NPAS3: variants seen among roughly 807,000 people sequenced by gnomAD.
NPAS3 encodes neuronal PAS domain-containing protein 3.
Under a neutral mutation model 73.1 loss-of-function variants are expected in NPAS3, and 14 were observed. The ratio of observed to expected loss-of-function variants is 0.19; its 90% CI spans 0.13 to 0.30. The LOEUF (loss-of-function observed/expected upper bound fraction) is 0.30. Among genes scored for constraint, NPAS3 ranks in the 10% least tolerant of loss-of-function variants. NPAS3 has a pLI of 1.00. For missense variants in NPAS3, 1,096 were observed against 1,250.0 expected (o/e 0.88, Z 1.86); for synonymous variants, 620 against 541.5 (o/e 1.14, Z -2.01).
intron 1 of NPAS3, among the ~76,000 whole-genome samples, chr14:33,020,553 A>AT (rs1444531679): frequency 5.9e-5 from 9 of 152,120 alleles, no homozygotes; most frequent in African/African-American, 2.2e-4. Context: ...TGTCATGCCC[A>AT]TTTTTTGGAT....
chr14:33,199,817 C>T (rs1230627109), intron 2 of NPAS3, among the ~76,000 whole-genome samples: 1 of 150,966 alleles, frequency 6.6e-6, no homozygotes, highest in African/African-American at 2.4e-5. Context: ...AGCACTACTA[C>T]TGGCTGTGTT....
exon 8 of NPAS3, chr14:33,774,415 C>G: frequency 6.2e-7 from 1 of 1,614,172 alleles, no homozygotes; most frequent in Non-Finnish European, 8.5e-7. Flanking sequence ...AATCATGGGT[C>G]TCGTGGTTGT....
intron 6 of NPAS3, among the ~76,000 whole-genome samples, chr14:33,706,061 C>T (rs1016907113): frequency 1.3e-5 from 2 of 152,226 alleles, no homozygotes; most frequent in Non-Finnish European, 2.9e-5. Flanking sequence ...CCACACAACC[C>T]TTTTCATTCA....
rs577535914 is a variant in NPAS3, at chr14:33,479,248, A to G, written c.469-80873A>G. On this transcript the variant is annotated intron_variant, in intron 4 of 11. Transcript: ENST00000356141. ...GCTTTTCCTTTTTAATGTTAAATGC[A>G]TGCATGTTGCCTGCACTTACAGCTC... Among the ~76,000 whole-genome samples the G allele has an allele frequency of 6.6e-5, 10 of 152,274 alleles. No individual in the cohort carries two copies. The South Asian group carries it at 1.5e-3, about 22-fold the overall frequency.
intron 5 of NPAS3, among the ~76,000 whole-genome samples, chr14:33,587,902 T>A (rs1377185804): frequency 6.6e-6 from 1 of 152,196 alleles, no homozygotes; most frequent in African/African-American, 2.4e-5. Flanking sequence ...ATGAATCCAA[T>A]ATGTAGAAGA....
chr14:33,211,907 T>C (rs532390877), intron 2 of NPAS3, among the ~76,000 whole-genome samples: 5 of 152,098 alleles, frequency 3.3e-5, no homozygotes, highest in African/African-American at 1.2e-4. Flanking sequence ...GCCCAGGGAG[T>C]AAATATTTGG....
chr14:33,062,734 A>G (rs1038149264), intron 2 of NPAS3, among the ~76,000 whole-genome samples: 2 of 152,246 alleles, frequency 1.3e-5, no homozygotes, highest in African/African-American at 2.4e-5. Context: ...CACGCTGTTG[A>G]ACAGCGGCGT....
At chr14:33,101,109 C>T (rs1404740478) in intron 2 of NPAS3, among the ~76,000 whole-genome samples, 1 of 151,840 alleles carries the variant, frequency 6.6e-6, no homozygotes, top group Non-Finnish European at 1.5e-5. Context: ...GATGGATTTC[C>T]CCAGACATAC....
intron 6 of NPAS3, among the ~76,000 whole-genome samples, chr14:33,679,772 T>C (rs764918201): frequency 1.3e-5 from 2 of 152,240 alleles, no homozygotes; most frequent in Non-Finnish European, 2.9e-5. Flanking sequence ...ACAATAGGAA[T>C]TCTGTCTCTT....
At chr14:33,523,451 CAAAAAAAAAAAA>C (rs755370427) in intron 4 of NPAS3, among the ~76,000 whole-genome samples, 1 of 46,722 alleles carries the variant, frequency 2.1e-5, no homozygotes, top group Non-Finnish European at 4.4e-5. Context: ...GACTCTGTCT[CAAAAAAAAAAAA>C]AAAAAAAAAA....
intron 3 of NPAS3, among the ~76,000 whole-genome samples, chr14:33,220,286 T>C (rs1449682578): frequency 1.3e-5 from 2 of 152,100 alleles, no homozygotes; most frequent in Non-Finnish European, 2.9e-5. Context: ...CAATCCATAG[T>C]AGGTGGTGGG....
At chr14:33,051,016 T>C (rs2040682874) in intron 1 of NPAS3, among the ~76,000 whole-genome samples, 1 of 152,088 alleles carries the variant, frequency 6.6e-6, no homozygotes, top group South Asian at 2.1e-4. Flanking sequence ...GGCTCACGCC[T>C]GTAATCCCAG....
At chr14:33,736,520 A>G (rs958521690) in intron 7 of NPAS3, among the ~76,000 whole-genome samples, 6 of 152,196 alleles carry the variant, frequency 3.9e-5, no homozygotes, top group Admixed American at 3.9e-4. Context: ...GAGTGTGTTC[A>G]GGGAAAGAAA....
chr14:33,151,580 TTTATG>T (rs2044445998), intron 2 of NPAS3, among the ~76,000 whole-genome samples: 1 of 152,214 alleles, frequency 6.6e-6, no homozygotes, highest in South Asian at 2.1e-4. Flanking sequence ...ATGTGATGAA[TTTATG>T]TTATATTTAT....
At chr14:33,095,830 G>A (rs1434620809) in intron 2 of NPAS3, among the ~76,000 whole-genome samples, 3 of 151,372 alleles carry the variant, frequency 2.0e-5, no homozygotes, top group Non-Finnish European at 4.4e-5. Context: ...CACCATGCCC[G>A]GCTAATTTTT....
In NPAS3 at chr14:33,099,652, T is replaced by C. The variant is rs553431124; in HGVS notation, c.140+43658T>C. Among the ~76,000 whole-genome samples, 158 of 152,276 alleles carry C rather than the reference T, an allele frequency of 1.0e-3. 2 individuals are homozygous for C. Among genetic ancestry groups the C allele is most frequent in the African/African-American group, 3.7e-3 (154 of 41,566 alleles). On this transcript the variant is annotated intron_variant, in intron 2 of 11. Transcript: ENST00000356141. ...AAGAGGACAAAGTATAGTACAAAGA[T>C]GTATAAAGTTATATAAGTTGTTCAG...
intron 1 of NPAS3, among the ~76,000 whole-genome samples, chr14:33,052,751 G>T (rs918475780): frequency 6.6e-6 from 1 of 152,158 alleles, no homozygotes; most frequent in African/African-American, 2.4e-5. Flanking sequence ...GCACAAGAGG[G>T]TGAGTCCATG....
At chr14:33,680,562 TTTCATG>T (rs2059906207) in intron 6 of NPAS3, 2 of 701,518 alleles carry the variant, frequency 2.9e-6, no homozygotes, top group African/African-American at 3.5e-5. Context: ...GCTTTTTCAT[TTTCATG>T]TTTCTCTAAG....
chr14:33,102,954 A>T lies in NPAS3; in HGVS notation c.140+46960A>T, dbSNP rs1012199446. On this transcript the variant is annotated intron_variant, in intron 2 of 11. Transcript: ENST00000356141. ...TTTTTGCATGGAGAACTATTACCTTACAGTATAGCAGTCTGCAGGCATTTA... is the reference window on the plus strand; with the variant it reads ...TTTTTGCATGGAGAACTATTACCTTTCAGTATAGCAGTCTGCAGGCATTTA... 3.9e-5 allele frequency among the ~76,000 whole-genome samples: 6 copies of T among 152,206 alleles called. No individual in the cohort carries two copies. The East Asian group carries it at 1.2e-3, about 29-fold the overall frequency.
Sources: allele counts gnomAD v4.1 joint callset (sites outside exome capture counted in the v4.1 genomes callset), GRCh38; gene constraint gnomAD v4.1.1; transcripts MANE v1.5; gene names NCBI Gene and HGNC (gene_info 2026-07-23, HGNC 2026-07-21).